Variants in SCARA5 observed in about 807,000 individuals in gnomAD.
SCARA5 encodes scavenger receptor class A, member 5 (putative).
In SCARA5, 45 loss-of-function variants were observed where a neutral mutation model predicts 46.3. That is an observed-to-expected ratio of 0.97 (90% confidence interval 0.76 to 1.24). The LOEUF (loss-of-function observed/expected upper bound fraction) is 1.24, where lower values mean the gene tolerates loss of function less well. Among genes scored for constraint, SCARA5 ranks in the 50% most tolerant of loss-of-function variants. SCARA5 has a pLI of 0.00. For missense variants in SCARA5, 680 were observed against 689.0 expected (o/e 0.99, Z 0.15); for synonymous variants, 333 against 306.5 (o/e 1.09, Z -0.90).
chr8:27,894,256 C>T (rs1325978579), intron 7 of SCARA5, among the ~76,000 whole-genome samples: 1 of 152,224 alleles, frequency 6.6e-6, no homozygotes, highest in Admixed American at 6.5e-5. Flanking sequence ...CAGGGTCACA[C>T]AGCTGCCACA....
chr8:27,879,925 G>A (rs1434310434), intron 7 of SCARA5, among the ~76,000 whole-genome samples, 159 bp from the exon 8 acceptor site: 1 of 152,136 alleles, frequency 6.6e-6, no homozygotes, highest in African/African-American at 2.4e-5. Flanking sequence ...TGCCTCTTCT[G>A]CCCTTTGCCA....
chr8:27,895,342 G>C (rs1003898380), intron 7 of SCARA5, among the ~76,000 whole-genome samples: 1 of 152,162 alleles, frequency 6.6e-6, no homozygotes, highest in Admixed American at 6.5e-5. Flanking sequence ...GACACTGCTC[G>C]GCAGGAAATG....
intron 3 of SCARA5, among the ~76,000 whole-genome samples, chr8:27,929,490 T>C (rs1332302184): frequency 6.6e-6 from 1 of 152,204 alleles, no homozygotes; most frequent in Non-Finnish European, 1.5e-5. Flanking sequence ...ATCATAACCC[T>C]TTATCTTTGC....
At chr8:27,990,115 G>A (rs543786298) in intron 1 of SCARA5, among the ~76,000 whole-genome samples, 292 of 152,328 alleles carry the variant, frequency 1.9e-3, no homozygotes, top group Non-Finnish European at 3.2e-3. Flanking sequence ...GGGCTGGAAT[G>A]CACGGCTTGT....
chr8:27,879,851 T>G, intron 7 of SCARA5, 85 bp from the exon 8 acceptor site: 3 of 1,311,888 alleles, frequency 2.3e-6, no homozygotes, highest in Non-Finnish European at 3.2e-6. Flanking sequence ...CGCCTACCCC[T>G]GGGTAGGAGG....
At chr8:27,926,834 C>G (rs1807688291) in intron 3 of SCARA5, among the ~76,000 whole-genome samples, 1 of 152,104 alleles carries the variant, frequency 6.6e-6, no homozygotes, top group South Asian at 2.1e-4. Flanking sequence ...TAGGCTGGAG[C>G]TGGCCACGTA....
chr8:27,879,583 G>T lies in SCARA5; in HGVS notation c.1337C>A (p.Ala446Asp). ...FRGVEEVYRT[A>D]RFGQGTGRIW... ...GAGCGCCTTACCTTGCCCGAATCGAGCTGTGCGGTACACCTCCTCCACACC... is the reference window on the plus strand; with the variant it reads ...GAGCGCCTTACCTTGCCCGAATCGATCTGTGCGGTACACCTCCTCCACACC... Residue 446 changes from alanine (A) to aspartate (D), a missense_variant, in exon 8 of 9, where the codon GCT becomes GAT. This residue lies in a region of SCARA5 where 219 missense variants were observed against 269.5 expected (regional missense o/e 0.81). Coordinates refer to ENST00000354914, the MANE Select transcript of SCARA5 (RefSeq NM_173833.6). 1 of 1,608,374 alleles carries T rather than the reference G, an allele frequency of 6.2e-7. No homozygotes were observed.
chr8:27,951,478 G>C (rs1047561254), intron 3 of SCARA5, among the ~76,000 whole-genome samples: 1 of 152,224 alleles, frequency 6.6e-6, no homozygotes, highest in Non-Finnish European at 1.5e-5. Flanking sequence ...GGTGACCATT[G>C]ATGTGTCAAG....
chr8:27,944,799 G>A (rs1458342245), intron 3 of SCARA5, among the ~76,000 whole-genome samples: 1 of 152,008 alleles, frequency 6.6e-6, no homozygotes, highest in Non-Finnish European at 1.5e-5. Flanking sequence ...GAACCTGGGA[G>A]GCAGAGGTTG....
At chr8:27,980,744 G>C (rs1221408095) in intron 2 of SCARA5, among the ~76,000 whole-genome samples, 1 of 152,176 alleles carries the variant, frequency 6.6e-6, no homozygotes, top group Non-Finnish European at 1.5e-5. Flanking sequence ...TGAAGGGACA[G>C]ACACACATAC....
chr8:27,987,151 G>C (rs1808717110), intron 2 of SCARA5, among the ~76,000 whole-genome samples: 1 of 152,206 alleles, frequency 6.6e-6, no homozygotes. Context: ...TCACCTGAGA[G>C]GGTCTGCACT....
intron 3 of SCARA5, among the ~76,000 whole-genome samples, chr8:27,926,690 TAGTGCAGTTTGATCTCA>T (rs1318178564): frequency 6.6e-6 from 1 of 152,176 alleles, no homozygotes; most frequent in African/African-American, 2.4e-5. Context: ...GGGATTTATT[TAGTGCAGTTTGATCTCA>T]AGTGTGAGAT....
chr8:27,962,878 G>T (rs530602753), intron 3 of SCARA5, among the ~76,000 whole-genome samples: 10 of 152,146 alleles, frequency 6.6e-5, no homozygotes, highest in African/African-American at 2.4e-4. Flanking sequence ...TGCACTCACC[G>T]AACACTCATG....
intron 3 of SCARA5, among the ~76,000 whole-genome samples, chr8:27,933,984 GC>G (rs1387144668): frequency 3.3e-5 from 5 of 152,224 alleles, no homozygotes; most frequent in Non-Finnish European, 5.9e-5. Context: ...AAGCTAGTAT[GC>G]TCTGTTGTGG....
At chr8:27,977,614 A>G (rs1426610226) in intron 2 of SCARA5, among the ~76,000 whole-genome samples, 1 of 152,176 alleles carries the variant, frequency 6.6e-6, no homozygotes, top group East Asian at 1.9e-4. Flanking sequence ...GCTTCCTTCT[A>G]GAACTTTCCC....
intron 2 of SCARA5, among the ~76,000 whole-genome samples, chr8:27,977,107 T>C (rs1234806170): frequency 1.3e-5 from 2 of 152,186 alleles, no homozygotes; most frequent in African/African-American, 2.4e-5. Flanking sequence ...CCTCACGGTA[T>C]ACTCCCATGG....
intron 3 of SCARA5, among the ~76,000 whole-genome samples, chr8:27,955,215 G>T (rs1808189164): frequency 6.6e-6 from 1 of 152,172 alleles, no homozygotes; most frequent in Non-Finnish European, 1.5e-5. Flanking sequence ...CTCAGATTGG[G>T]ACTCTTACCA....
chr8:27,953,128 C>T (rs2129905952), intron 3 of SCARA5, among the ~76,000 whole-genome samples: 1 of 152,308 alleles, frequency 6.6e-6, no homozygotes, highest in South Asian at 2.1e-4. Flanking sequence ...GGGCCAAAGG[C>T]TAAAAGGAAG....
chr8:27,873,812 G>A (rs1174315820), intron 8 of SCARA5, among the ~76,000 whole-genome samples: 1 of 152,242 alleles, frequency 6.6e-6, no homozygotes, highest in Non-Finnish European at 1.5e-5. Flanking sequence ...GTTGAGATCA[G>A]GAGTTCAAGA....
Sources: allele counts gnomAD v4.1 joint callset (sites outside exome capture counted in the v4.1 genomes callset), GRCh38; gene constraint gnomAD v4.1.1; regional missense constraint gnomAD v4.1.1; transcripts MANE v1.5; gene names NCBI Gene and HGNC (gene_info 2026-07-23, HGNC 2026-07-21).